The following ZFYVE9 variants were observed in gnomAD, a reference collection of about 807,000 sequenced individuals.
The protein encoded by ZFYVE9 is zinc finger FYVE-type containing 9.
A neutral mutation model predicts 126.7 loss-of-function variants in ZFYVE9; 43 were observed. That is an observed-to-expected ratio of 0.34 (90% CI 0.27 to 0.44). The LOEUF (loss-of-function observed/expected upper bound fraction) is 0.44. Among genes scored for constraint, ZFYVE9 ranks in the 20% least tolerant of loss-of-function variants. The pLI is 1.00. For synonymous variants in ZFYVE9, 521 were observed against 597.4 expected, an observed-to-expected ratio of 0.87 and a Z score of 1.87; for missense variants, 1,476 against 1,697.0, an observed-to-expected ratio of 0.87 and a Z score of 2.29.
intron 4 of ZFYVE9, among the ~76,000 whole-genome samples, chr1:52,242,746 C>G (rs1308638702): frequency 6.6e-6 from 1 of 152,066 alleles, no homozygotes; most frequent in Non-Finnish European, 1.5e-5. Context: ...TAAGTAGCTG[C>G]TTTAGAATAT....
chr1:52,153,668 C>T (rs1644376943), intron 1 of ZFYVE9, among the ~76,000 whole-genome samples: 1 of 152,150 alleles, frequency 6.6e-6, no homozygotes, highest in Non-Finnish European at 1.5e-5. Context: ...GCTTTCTAGT[C>T]CTTGGACACA....
rs140740883 is a variant in ZFYVE9 at position 52,317,885 on chromosome 1, C to T, written c.3438+13960C>T. On this transcript the variant is annotated intron_variant, in intron 13 of 18. Transcript: ENST00000287727. ...AAGATTAAATAGATAACCTAAATAG[C>T]CCTGTATTTATTAAAAGAATTGACT... Among the ~76,000 whole-genome samples, 19 of 152,114 alleles carry T rather than the reference C, an allele frequency of 1.2e-4. No individual in the cohort carries two copies. In the East Asian group the frequency reaches 3.5e-3, roughly 28 times the overall value.
chr1:52,153,099 G>A (rs1319419851), intron 1 of ZFYVE9, among the ~76,000 whole-genome samples: 2 of 152,234 alleles, frequency 1.3e-5, no homozygotes, highest in Non-Finnish European at 2.9e-5. Flanking sequence ...CCCAAGGAGA[G>A]CATGGTCATG....
At chr1:52,223,295 GA>G (rs1645141323) in intron 2 of ZFYVE9, among the ~76,000 whole-genome samples, 1 of 152,086 alleles carries the variant, frequency 6.6e-6, no homozygotes, top group Admixed American at 6.6e-5. Context: ...CCTGTTCCCT[GA>G]CTCTCAGGTT....
intron 13 of ZFYVE9, among the ~76,000 whole-genome samples, chr1:52,314,817 GAAA>G (rs796669150): frequency 1.2e-4 from 18 of 145,626 alleles, no homozygotes; most frequent in Non-Finnish European, 1.5e-4. Context: ...GTCTCAAAAA[GAAA>G]AAAAAAAGCA....
chr1:52,284,453 T>A (rs999761803), intron 10 of ZFYVE9, among the ~76,000 whole-genome samples: 3 of 151,784 alleles, frequency 2.0e-5, no homozygotes, highest in Admixed American at 2.0e-4. Flanking sequence ...GGAGTCTCGC[T>A]CTGTCACCCA....
At chr1:52,299,288 T>A (rs917723517) in intron 12 of ZFYVE9, among the ~76,000 whole-genome samples, 1 of 152,186 alleles carries the variant, frequency 6.6e-6, no homozygotes, top group African/African-American at 2.4e-5. Flanking sequence ...CTTTACCGAA[T>A]TTGTTCATTA....
At chr1:52,259,185 T>C (rs1645553168) in intron 4 of ZFYVE9, among the ~76,000 whole-genome samples, 1 of 152,126 alleles carries the variant, frequency 6.6e-6, no homozygotes, top group Non-Finnish European at 1.5e-5. Context: ...CATATGGTGG[T>C]GTTCTTGTAT....
intron 1 of ZFYVE9, among the ~76,000 whole-genome samples, chr1:52,158,274 A>T (rs890514415): frequency 6.6e-6 from 1 of 152,142 alleles, no homozygotes; most frequent in Admixed American, 6.5e-5. Flanking sequence ...AATTCTTGCC[A>T]TTCTTTTGGG....
rs1442613829 is a variant in ZFYVE9 at position 52,142,489 on chromosome 1, G to C, written c.-143+86G>C. 6.6e-6 allele frequency: 1 copy of C among 152,102 alleles called. No individual in the cohort carries two copies. The highest frequency in any genetic ancestry group is 6.5e-5 in the Admixed American group (1 of 15,270). The allele number at this position is 152,102 out of a possible 1,614,324, so 9.4% of individuals were successfully genotyped here. A position where few individuals can be genotyped will look rare whatever the true frequency, so the allele number is the denominator to read the frequency against. ...GCGGCAGACCGCGGGCCGGGCGGAC[G>C]GGGCGTCCTGCCACTGCGGTCGCCT... is the stretch of plus-strand genomic sequence containing the variant. On this transcript the variant is annotated intron_variant, in intron 1 of 18. Transcript: ENST00000287727. The surrounding 1 kb of genome is among the most constrained non-coding windows in gnomAD (Gnocchi z 4.5).
intron 1 of ZFYVE9, chr1:52,162,679 C>A: frequency 3.4e-6 from 1 of 290,400 alleles, no homozygotes; most frequent in Non-Finnish European, 7.0e-6. Flanking sequence ...GTGTTGGGAT[C>A]TGGATTTGCC....
intron 1 of ZFYVE9, among the ~76,000 whole-genome samples, chr1:52,155,234 CTTTTTT>C (rs202048189): frequency 2.4e-4 from 31 of 129,108 alleles, no homozygotes; most frequent in African/African-American, 7.4e-4. Context: ...TCTTTTTTTT[CTTTTTT>C]TTTTTTTTTT....
chr1:52,172,487 C>G (rs1644582889), intron 1 of ZFYVE9, among the ~76,000 whole-genome samples: 1 of 152,146 alleles, frequency 6.6e-6, no homozygotes, highest in Non-Finnish European at 1.5e-5. Flanking sequence ...GATTCGGGCT[C>G]TTTTTTGGTT....
intron 13 of ZFYVE9, among the ~76,000 whole-genome samples, chr1:52,320,360 G>A (rs564348787): frequency 5.9e-5 from 9 of 152,240 alleles, no homozygotes; most frequent in South Asian, 4.1e-4. Flanking sequence ...ATTAGCCACC[G>A]TGCCCGGCTG....
At chr1:52,296,290 G>T (rs1645974731) in intron 12 of ZFYVE9, among the ~76,000 whole-genome samples, 2 of 151,870 alleles carry the variant, frequency 1.3e-5, no homozygotes, top group South Asian at 4.2e-4. Flanking sequence ...TTATTGTGAG[G>T]ACTAGAAGTA....
chr1:52,278,102 A>G (rs1420888594), intron 8 of ZFYVE9, among the ~76,000 whole-genome samples: 2 of 152,214 alleles, frequency 1.3e-5, no homozygotes, highest in African/African-American at 4.8e-5. Flanking sequence ...TCCAGAGGTA[A>G]CTAGTATATT....
At chr1:52,189,300 G>A (rs1382950582) in intron 1 of ZFYVE9, among the ~76,000 whole-genome samples, 1 of 150,222 alleles carries the variant, frequency 6.7e-6, no homozygotes, top group Non-Finnish European at 1.5e-5. Context: ...GCAGTGGCAC[G>A]ATCCAGGCTC....
At chr1:52,345,066 A>C in intron 18 of ZFYVE9, 122 bp downstream of exon 18, 1 of 1,089,938 alleles carries the variant, frequency 9.2e-7, no homozygotes, top group Non-Finnish European at 1.3e-6. Context: ...GACTGGATAT[A>C]GTGTTTTTGG....
chr1:52,290,758 A>G (rs1645911918), intron 10 of ZFYVE9, among the ~76,000 whole-genome samples: 1 of 152,164 alleles, frequency 6.6e-6, no homozygotes, highest in Non-Finnish European at 1.5e-5. Context: ...CCCAAAAATC[A>G]TATATTTGGC....
Sources: gnomAD v4.1 joint callset for allele counts (sites outside exome capture counted in the v4.1 genomes callset) on GRCh38, gnomAD v4.1.1 for gene constraint, Gnocchi (gnomAD v3.1) non-coding constraint, MANE v1.5 for transcripts, NCBI Gene and HGNC (gene_info 2026-07-23, HGNC 2026-07-21) for gene names.